POLR2D: variants seen among roughly 807,000 people sequenced by gnomAD.
The protein encoded by POLR2D is RNA polymerase II subunit D, also known as DNA-directed RNA polymerase II subunit RPB4.
POLR2D carries 10 observed loss-of-function variants against 17.6 expected under a neutral mutation model. That is an observed-to-expected ratio of 0.57 (90% CI 0.35 to 0.96). POLR2D has a LOEUF of 0.96. Among genes scored for constraint, POLR2D ranks in the 40% least tolerant of loss-of-function variants. The pLI is 0.02. For missense variants in POLR2D, 126 were observed against 176.4 expected (o/e 0.71, Z 1.62); for synonymous variants, 52 against 60.2 (o/e 0.86, Z 0.63).
rs149661169 is a variant in POLR2D at position 127,849,921 on chromosome 2, C to T, written c.350+669G>A. ...ATGCAGCAATGAACACTAAAATATA[C>T]GTCTCCTTCTAAATTTGTGTGAGTT... is the stretch of plus-strand genomic sequence containing the variant. On this transcript the variant is annotated intron_variant, in intron 3 of 3. Coordinates refer to ENST00000272645, the MANE Select transcript of POLR2D (RefSeq NM_004805.4). Among the ~76,000 whole-genome samples, 315 of 152,242 alleles carry T rather than the reference C, an allele frequency of 2.1e-3. 1 individual carries two copies. The highest frequency in any genetic ancestry group is 3.4e-3 in the Non-Finnish European group (228 of 68,024).
intron 1 of POLR2D, 155 bp downstream of exon 1, chr2:127,857,873 C>A: frequency 7.4e-7 from 1 of 1,347,308 alleles, no homozygotes; most frequent in Non-Finnish European, 9.5e-7. Flanking sequence ...AGGCCATGGT[C>A]CCTCCCAAGG....
intron 3 of POLR2D, 70 bp from the exon 4 acceptor site, chr2:127,848,255 G>C (rs1443010044): frequency 1.1e-6 from 1 of 911,134 alleles, no homozygotes; most frequent in African/African-American, 1.7e-5. Context: ...TTTGAGGCGT[G>C]CTAATCTACT....
At position 127,850,621 on chromosome 2, in the gene POLR2D, T is replaced by A; in HGVS notation, c.319A>T (p.Thr107Ser). ...LACLANLCPE[T>S]AEESKALIPS... Reference sequence around the variant, plus strand: ...ATTAGAGCCTTGGACTCCTCAGCAGTCTCTGGGCAAAGGTTGGCCAAACAG... The same window carrying A: ...ATTAGAGCCTTGGACTCCTCAGCAGACTCTGGGCAAAGGTTGGCCAAACAG... The change falls in exon 3 of 4, where the codon ACT becomes TCT. Residue 107 changes from threonine (T) to serine (S), a missense_variant. Physicochemically the swap from Thr to Ser is moderately conservative, Grantham distance 58 (BLOSUM62 1). Transcript: ENST00000272645. The A allele has an allele frequency of 6.3e-7, 1 of 1,586,972 alleles. No individual in the cohort carries two copies. Among genetic ancestry groups the A allele is most frequent in the Non-Finnish European group, 8.6e-7 (1 of 1,162,342 alleles).
rs1422000897 is a variant in POLR2D, at chr2:127,847,032, T to C, written c.*1075A>G. 2.0e-5 allele frequency: 3 copies of C among 152,666 alleles called. No homozygotes were observed. The East Asian group carries it at 5.8e-4, about 29-fold the overall frequency. 9.5% of individuals were successfully genotyped at this position (152,666 alleles called of 1,614,324 possible). ...ACAGCAAATGGGCTGCAGTGAACAG[T>C]GCACACCTGGTTGTGGACCTCTTTG... On this transcript the variant is annotated 3_prime_UTR_variant, in exon 4 of 4. Transcript: ENST00000272645.
rs768433198 is a variant in POLR2D at position 127,858,091 on chromosome 2, C to T, written c.10G>A (p.Gly4Ser). MAAGGSDPRAGDVE... is the reference protein window; with the variant it reads MAASGSDPRAGDVE... Reference sequence around the variant, plus strand: ...TCGCCAGCCCGCGGATCGCTGCCACCCGCCGCCATCGCCGCGCCGCGCCGC... The same window carrying T: ...TCGCCAGCCCGCGGATCGCTGCCACTCGCCGCCATCGCCGCGCCGCGCCGC... Residue 4 changes from glycine to serine, a missense_variant, in exon 1 of 4, where the codon GGT (glycine) becomes AGT (serine). Around this residue, in one of 2 missense-constraint regions of POLR2D, gnomAD observed 41 missense variants for 24.9 expected, o/e 1.64. Transcript: ENST00000272645. 2 of 1,512,970 alleles carry T rather than the reference C, an allele frequency of 1.3e-6. No homozygotes were observed. Among genetic ancestry groups the T allele is most frequent in the Admixed American group, 2.2e-5 (1 of 45,394 alleles). The allele number at this position is 1,512,970 out of a possible 1,614,324, so 93.7% of individuals were successfully genotyped here. A position where few individuals can be genotyped will look rare whatever the true frequency, so the allele number is the denominator to read the frequency against.
At chr2:127,851,037 G>A (rs907434362) in intron 2 of POLR2D, among the ~76,000 whole-genome samples, 1 of 151,932 alleles carries the variant, frequency 6.6e-6, no homozygotes, top group African/African-American at 2.4e-5. Flanking sequence ...CCTGGCCAAC[G>A]TGGTGAAACC....
chr2:127,847,939 T>C lies in POLR2D; in HGVS notation c.*168A>G. On this transcript the variant is annotated 3_prime_UTR_variant, in exon 4 of 4. Transcript: ENST00000272645. ...CAAGATTCCATGTCACCTGGGCCTG[T>C]GAGTTATTTGAAACAGCAACCTAAC... 1.6e-6 allele frequency: 1 copy of C among 643,614 alleles called. No individual in the cohort carries two copies. Among genetic ancestry groups the C allele is most frequent in the Non-Finnish European group, 2.8e-6 (1 of 353,598 alleles). 39.9% of individuals were successfully genotyped at this position (643,614 alleles called of 1,614,324 possible). A position where few individuals can be genotyped will look rare whatever the true frequency, so the allele number is the denominator to read the frequency against.
rs61249327 is a variant in POLR2D, at chr2:127,856,290, CAA to C, written c.73+1736_73+1737del. 1.0e-3 allele frequency among the ~76,000 whole-genome samples: 26 copies of C among 25,404 alleles called. 4 individuals carry two copies. Among genetic ancestry groups the C allele is most frequent in the Middle Eastern group, 0.045 (1 of 22 alleles). The allele number at this position is 25,404 out of a possible 152,430, so 16.7% of individuals were successfully genotyped here. A position where few individuals can be genotyped will look rare whatever the true frequency, so the allele number is the denominator to read the frequency against. On this transcript the variant is annotated intron_variant, in intron 1 of 3. Coordinates refer to ENST00000272645, the MANE Select transcript of POLR2D (RefSeq NM_004805.4). The stretch of plus-strand genomic sequence containing the variant: ...TAGGTAGCAGAATGAGATCCCGTCT[CAA>C]AAAAAAAAAAAAAAAAAGGCAGGGT...
intron 2 of POLR2D, among the ~76,000 whole-genome samples, chr2:127,851,437 A>G (rs527864412): frequency 3.5e-4 from 48 of 138,986 alleles, no homozygotes; most frequent in South Asian, 1.0e-3. Context: ...GAAACAAAAC[A>G]AAAAAAAGGT....
intron 3 of POLR2D, 26 bp downstream of exon 3, chr2:127,850,564 G>A: frequency 1.0e-6 from 1 of 992,606 alleles, no homozygotes; most frequent in Non-Finnish European, 1.6e-6. Flanking sequence ...CCAGTATACA[G>A]AGAACTTATC....
At chr2:127,853,448 C>G (rs1469350533) in intron 1 of POLR2D, among the ~76,000 whole-genome samples, 2 of 152,152 alleles carry the variant, frequency 1.3e-5, no homozygotes, top group Admixed American at 1.3e-4. Context: ...AGGTTTAACT[C>G]CCACTTATAA....
In POLR2D at chr2:127,844,560, ATTT is replaced by A. The variant is rs1194671239; in HGVS notation, c.*3544_*3546del. 1.4e-4 allele frequency: 22 copies of A among 152,214 alleles called. No homozygotes were observed. Among genetic ancestry groups the A allele is most frequent in the Admixed American group, 1.4e-3 (22 of 15,280 alleles). 9.4% of individuals were successfully genotyped at this position (152,214 alleles called of 1,614,324 possible). A position where few individuals can be genotyped will look rare whatever the true frequency, so the allele number is the denominator to read the frequency against. Reference sequence around the variant, plus strand: ...AATATGCTGTCCAGCCCTGTAAACAATTTTTGACTGTCTTGCAGAATAGCTGAC... The same window carrying A: ...AATATGCTGTCCAGCCCTGTAAACAATTGACTGTCTTGCAGAATAGCTGAC... On this transcript the variant is annotated 3_prime_UTR_variant, in exon 4 of 4. Coordinates refer to ENST00000272645, the MANE Select transcript of POLR2D (RefSeq NM_004805.4).
rs766398627 is a variant in POLR2D at position 127,852,636 on chromosome 2, C to T, written c.254+289G>A. On this transcript the variant is annotated intron_variant, in intron 2 of 3. Coordinates refer to ENST00000272645, the MANE Select transcript of POLR2D (RefSeq NM_004805.4). The surrounding 1 kb of genome is among the most constrained non-coding windows in gnomAD (Gnocchi z 4.0). ...GGCCTACAGATTCAAGCGATTCTCC[C>T]GCCTCGGCCTCCTGAGCAGCTAGGA... Among the ~76,000 whole-genome samples the T allele has an allele frequency of 2.0e-5, 3 of 152,144 alleles. No homozygotes were observed. The highest frequency in any genetic ancestry group is 2.1e-4 in the South Asian group (1 of 4,834).
At chr2:127,850,761 G>T (rs867093676) in intron 2 of POLR2D, 76 bp from the exon 3 acceptor site, 4 of 737,502 alleles carry the variant, frequency 5.4e-6, no homozygotes, top group Non-Finnish European at 9.4e-6. Flanking sequence ...TAATCAACAG[G>T]AAAAAAGGGA....
Position 127,847,976 on chromosome 2 carries a change from C to A in POLR2D, c.*131G>T. Reference sequence around the variant, plus strand: ...AACAGCAACCTAACCCCACGCCAAGCTGGGCTGTTTTCTCCAAAGGAATTC... The same window carrying A: ...AACAGCAACCTAACCCCACGCCAAGATGGGCTGTTTTCTCCAAAGGAATTC... On this transcript the variant is annotated 3_prime_UTR_variant, in exon 4 of 4. Transcript: ENST00000272645. The A allele has an allele frequency of 2.7e-6, 2 of 730,850 alleles. No homozygotes were observed. Among genetic ancestry groups the A allele is most frequent in the Admixed American group, 2.1e-5 (1 of 48,612 alleles). 45.3% of individuals were successfully genotyped at this position (730,850 alleles called of 1,614,324 possible).
Position 127,850,647 on chromosome 2 carries a change from G to T in POLR2D, c.293C>A (p.Ala98Asp). 1 of 1,589,750 alleles carries T rather than the reference G, an allele frequency of 6.3e-7. No individual in the cohort carries two copies. The change falls in exon 3 of 4, where the codon GCC (alanine) becomes GAC (aspartate). Residue 98 changes from alanine (A) to aspartate (D), a missense_variant. Coordinates refer to ENST00000272645, the MANE Select transcript of POLR2D (RefSeq NM_004805.4). ...LQKKLHKFEL[A>D]CLANLCPETA... ...CTCTGGGCAAAGGTTGGCCAAACAGGCCAACTCAAACTTATGAAGCTTTTT... is the reference window on the plus strand; with the variant it reads ...CTCTGGGCAAAGGTTGGCCAAACAGTCCAACTCAAACTTATGAAGCTTTTT...
intron 1 of POLR2D, chr2:127,857,131 A>G (rs758284529): frequency 2.0e-5 from 3 of 152,146 alleles, no homozygotes; most frequent in Non-Finnish European, 4.4e-5. Context: ...TGGGCGACAT[A>G]GTGAGACCCT....
At chr2:127,851,702 T>C (rs1690255179) in intron 2 of POLR2D, among the ~76,000 whole-genome samples, 2 of 152,212 alleles carry the variant, frequency 1.3e-5, no homozygotes, top group African/African-American at 4.8e-5. Flanking sequence ...TAACAAAATA[T>C]CATATGTACC....
chr2:127,857,317 C>CAATCAATA (rs974599602), intron 1 of POLR2D, among the ~76,000 whole-genome samples: 4 of 152,102 alleles, frequency 2.6e-5, no homozygotes, highest in Admixed American at 6.6e-5. Flanking sequence ...GACCCTATCT[C>CAATCAATA]AATCAATAAA....
Sources: allele counts gnomAD v4.1 joint callset (sites outside exome capture counted in the v4.1 genomes callset), GRCh38; gene constraint gnomAD v4.1.1; regional missense constraint gnomAD v4.1.1; non-coding constraint Gnocchi (gnomAD v3.1); transcripts MANE v1.5; gene names NCBI Gene and HGNC (gene_info 2026-07-23, HGNC 2026-07-21).